The following LRRC4C variants were observed in gnomAD, a reference collection of about 807,000 sequenced individuals.
LRRC4C encodes the protein leucine-rich repeat-containing protein 4C.
LRRC4C carries 5 observed loss-of-function variants against 33.6 expected under a neutral mutation model. The ratio of observed to expected loss-of-function variants is 0.15; its 90% CI spans 0.08 to 0.31. The LOEUF (loss-of-function observed/expected upper bound fraction) is 0.31. Among genes scored for constraint, LRRC4C ranks in the 10% least tolerant of loss-of-function variants. LRRC4C has a pLI of 1.00. For synonymous variants in LRRC4C, 329 were observed against 302.0 expected (o/e 1.09, Z -0.93); for missense variants, 560 against 796.7 (o/e 0.70, Z 3.58).
chr11:41,005,615 TA>T (rs1565292890), intron 1 of LRRC4C, among the ~76,000 whole-genome samples: 2 of 151,592 alleles, frequency 1.3e-5, no homozygotes, highest in South Asian at 4.1e-4. Context: ...AAAATAAAAA[TA>T]AAAATAAAAA....
intron 2 of LRRC4C, among the ~76,000 whole-genome samples, chr11:40,676,622 T>G (rs1944418139): frequency 6.6e-6 from 1 of 152,224 alleles, no homozygotes; most frequent in Non-Finnish European, 1.5e-5. Context: ...TCCATGACAA[T>G]TTGTCAGCAT....
At chr11:41,414,282 C>T (rs528185457) in intron 1 of LRRC4C, among the ~76,000 whole-genome samples, 1 of 152,262 alleles carries the variant, frequency 6.6e-6, no homozygotes, top group Admixed American at 6.5e-5. Context: ...TCCCCACAAC[C>T]TACAAACAAG....
intron 3 of LRRC4C, among the ~76,000 whole-genome samples, chr11:40,368,863 C>T (rs1948328785): frequency 6.6e-6 from 1 of 152,112 alleles, no homozygotes; most frequent in African/African-American, 2.4e-5. Context: ...TTGGGTAAGT[C>T]TTTAAACCAC....
At chr11:40,690,198 T>C (rs1008381380) in intron 2 of LRRC4C, among the ~76,000 whole-genome samples, 13 of 152,192 alleles carry the variant, frequency 8.5e-5, no homozygotes, top group African/African-American at 2.9e-4. Flanking sequence ...TACAGTGAAC[T>C]AGACATTTTT....
chr11:40,696,748 G>GTGTATATATATATATATATATA (rs368234307), intron 2 of LRRC4C, among the ~76,000 whole-genome samples: 40 of 125,880 alleles, frequency 3.2e-4, no homozygotes, highest in African/African-American at 1.2e-3. Context: ...TATACACTGT[G>GTGTATATATATATATATATATA]TATATATATA....
At chr11:40,163,714 T>A (rs1202209034) in intron 5 of LRRC4C, among the ~76,000 whole-genome samples, 1 of 152,042 alleles carries the variant, frequency 6.6e-6, no homozygotes, top group Non-Finnish European at 1.5e-5. Flanking sequence ...CGAAAGAGAA[T>A]TCCCAAGCTA....
intron 3 of LRRC4C, among the ~76,000 whole-genome samples, chr11:40,325,763 C>G (rs894257499): frequency 1.3e-4 from 19 of 151,942 alleles, no homozygotes; most frequent in African/African-American, 4.4e-4. Context: ...ATATCAGAAA[C>G]TGTCATTTTC....
chr11:40,279,759 T>C (rs1483642055), intron 4 of LRRC4C, among the ~76,000 whole-genome samples: 1 of 152,180 alleles, frequency 6.6e-6, no homozygotes, highest in East Asian at 1.9e-4. Flanking sequence ...TGTGCTGTTA[T>C]GTCATTCATC....
intron 2 of LRRC4C, among the ~76,000 whole-genome samples, chr11:40,819,689 G>A (rs900786788): frequency 9.3e-5 from 14 of 151,178 alleles, no homozygotes; most frequent in African/African-American, 3.4e-4. Context: ...ATGCAAAAGG[G>A]TCCAGCAGAA....
chr11:40,838,997 C>T (rs1295090415), intron 2 of LRRC4C, among the ~76,000 whole-genome samples: 1 of 152,044 alleles, frequency 6.6e-6, no homozygotes, highest in Non-Finnish European at 1.5e-5. Flanking sequence ...ACTGTTCCCC[C>T]TAAAATAATA....
At chr11:40,494,963 C>T (rs1954354011) in intron 3 of LRRC4C, among the ~76,000 whole-genome samples, 1 of 152,240 alleles carries the variant, frequency 6.6e-6, no homozygotes, top group Middle Eastern at 3.4e-3. Flanking sequence ...TTGTATCGCT[C>T]TCATAGAATC....
chr11:41,194,785 A>C (rs554032452), intron 1 of LRRC4C, among the ~76,000 whole-genome samples: 1 of 152,242 alleles, frequency 6.6e-6, no homozygotes, highest in African/African-American at 2.4e-5. Flanking sequence ...CTCCTAACCC[A>C]CAGAAACTAT....
At chr11:40,641,942 C>T (rs1200126176) in intron 3 of LRRC4C, among the ~76,000 whole-genome samples, 1 of 151,716 alleles carries the variant, frequency 6.6e-6, no homozygotes, top group Non-Finnish European at 1.5e-5. Flanking sequence ...ATTCAGAGCC[C>T]TTCCTTGGGT....
intron 1 of LRRC4C, among the ~76,000 whole-genome samples, chr11:41,226,526 A>G (rs1195709651): frequency 1.3e-5 from 2 of 152,072 alleles, no homozygotes; most frequent in East Asian, 1.9e-4. Flanking sequence ...GACACTTATC[A>G]CTGTCAGTAC....
intron 5 of LRRC4C, among the ~76,000 whole-genome samples, chr11:40,160,485 G>C (rs146692776): frequency 6.6e-6 from 1 of 152,144 alleles, no homozygotes; most frequent in Admixed American, 6.5e-5. Flanking sequence ...ATATACAAAG[G>C]TGTCAACAAG....
intron 1 of LRRC4C, among the ~76,000 whole-genome samples, chr11:41,348,390 T>TAATAA (rs10635534): frequency 0.99 from 149,757 of 151,832 alleles, 73,890 homozygotes; most frequent in Middle Eastern, 1. Flanking sequence ...ATTTAAAAAA[T>TAATAA]AATAAAATAA....
At chr11:40,550,065 A>C (rs1158216530) in intron 3 of LRRC4C, among the ~76,000 whole-genome samples, 1 of 152,166 alleles carries the variant, frequency 6.6e-6, no homozygotes, top group Non-Finnish European at 1.5e-5. Context: ...CTAGAACTGT[A>C]ATTTAATAAT....
intron 1 of LRRC4C, among the ~76,000 whole-genome samples, chr11:40,950,888 T>A (rs933731903): frequency 1.3e-5 from 2 of 151,990 alleles, no homozygotes; most frequent in African/African-American, 4.8e-5. Context: ...TGCTTATTTT[T>A]TTTTTTTACT....
At chr11:40,735,862 G>A (rs1235692390) in intron 2 of LRRC4C, among the ~76,000 whole-genome samples, 2 of 150,992 alleles carry the variant, frequency 1.3e-5, no homozygotes, top group Admixed American at 6.6e-5. Context: ...TAACTGGTGT[G>A]AGATGGTATC....
Sources: allele counts gnomAD v4.1 joint callset (sites outside exome capture counted in the v4.1 genomes callset), GRCh38; gene constraint gnomAD v4.1.1; transcripts MANE v1.5; gene names NCBI Gene and HGNC (gene_info 2026-07-23, HGNC 2026-07-21).